The following LRRC4C variants were observed in gnomAD, a reference collection of about 807,000 sequenced individuals.
The protein encoded by LRRC4C is leucine-rich repeat-containing protein 4C.
Under a neutral mutation model 33.6 loss-of-function variants are expected in LRRC4C, and 5 were observed. The ratio of observed to expected loss-of-function variants is 0.15; its 90% CI spans 0.08 to 0.31. The LOEUF (loss-of-function observed/expected upper bound fraction) is 0.31, where lower values mean the gene tolerates loss of function less well. LRRC4C is among the 10% of genes least tolerant of loss of function. LRRC4C has a pLI of 1.00. For missense variants in LRRC4C, 560 were observed against 796.7 expected (o/e 0.70, Z 3.58); for synonymous variants, 329 against 302.0 (o/e 1.09, Z -0.93).
At chr11:40,325,986 T>C (rs1462827061) in intron 3 of LRRC4C, among the ~76,000 whole-genome samples, 2 of 151,376 alleles carry the variant, frequency 1.3e-5, no homozygotes, top group East Asian at 2.0e-4. Flanking sequence ...GTTCTCTGTC[T>C]AGCCATGGGT....
intron 1 of LRRC4C, among the ~76,000 whole-genome samples, chr11:41,140,667 C>T (rs1943464895): frequency 6.6e-6 from 1 of 152,188 alleles, no homozygotes; most frequent in Non-Finnish European, 1.5e-5. Flanking sequence ...CGGGTTCTTC[C>T]CAGCCTTATT....
At chr11:40,508,866 C>T (rs1955166953) in intron 3 of LRRC4C, among the ~76,000 whole-genome samples, 1 of 151,912 alleles carries the variant, frequency 6.6e-6, no homozygotes. Flanking sequence ...AAGTAATAAC[C>T]ATGAGTTTTA....
At chr11:40,734,365 T>G (rs1009630069) in intron 2 of LRRC4C, among the ~76,000 whole-genome samples, 1 of 152,174 alleles carries the variant, frequency 6.6e-6, no homozygotes, top group Admixed American at 6.5e-5. Context: ...TCAACTTGTT[T>G]ACGGATATTT....
chr11:41,079,272 T>A (rs1216635509), intron 1 of LRRC4C, among the ~76,000 whole-genome samples: 1 of 152,132 alleles, frequency 6.6e-6, no homozygotes, highest in Non-Finnish European at 1.5e-5. Flanking sequence ...GTTCTGAAGT[T>A]GGTAGGAGAC....
chr11:40,924,170 A>G (rs754985452), intron 2 of LRRC4C, among the ~76,000 whole-genome samples: 2 of 151,394 alleles, frequency 1.3e-5, no homozygotes, highest in African/African-American at 2.4e-5. Flanking sequence ...AAAGCCCTTA[A>G]AAATGGAAGC....
At position 41,233,926 on chromosome 11, in the gene LRRC4C, A is replaced by G. The variant is rs144276033; in HGVS notation, c.-496+225505T>C. Among the ~76,000 whole-genome samples the G allele has an allele frequency of 8.7e-3, 1,323 of 151,684 alleles. 16 individuals carry two copies. The highest frequency in any genetic ancestry group is 0.031 in the African/African-American group (1,266 of 41,370). ...GGGAAACCCCACAGACTCAAAAAGCATAACTGCACCACTTGGTGGGATCAT... is the reference window on the plus strand; with the variant it reads ...GGGAAACCCCACAGACTCAAAAAGCGTAACTGCACCACTTGGTGGGATCAT... On this transcript the variant is annotated intron_variant, in intron 1 of 6. Coordinates refer to ENST00000528697, the MANE Select transcript of LRRC4C (RefSeq NM_001258419.2).
At chr11:40,638,311 G>A (rs866721064) in intron 3 of LRRC4C, among the ~76,000 whole-genome samples, 27 of 152,086 alleles carry the variant, frequency 1.8e-4, no homozygotes, top group African/African-American at 6.5e-4. Context: ...TTGACTCATG[G>A]GGAGTGCTCA....
chr11:40,226,969 A>C (rs928834223), intron 5 of LRRC4C, among the ~76,000 whole-genome samples: 14 of 152,120 alleles, frequency 9.2e-5, no homozygotes, highest in African/African-American at 3.4e-4. Context: ...ATCATTCATT[A>C]ATTAAATCTC....
chr11:40,734,710 TA>T (rs1026085402), intron 2 of LRRC4C, among the ~76,000 whole-genome samples: 8 of 149,864 alleles, frequency 5.3e-5, no homozygotes, highest in East Asian at 1.9e-4. Context: ...CTTTACAATC[TA>T]AAAAAAAAAT....
chr11:40,255,413 G>A (rs1169882901), intron 4 of LRRC4C, among the ~76,000 whole-genome samples: 3 of 152,146 alleles, frequency 2.0e-5, no homozygotes, highest in Non-Finnish European at 2.9e-5. Flanking sequence ...GCTCCAAAGC[G>A]TCAATACAGC....
At chr11:40,557,100 T>G (rs1957361018) in intron 3 of LRRC4C, among the ~76,000 whole-genome samples, 1 of 152,120 alleles carries the variant, frequency 6.6e-6, no homozygotes, top group South Asian at 2.1e-4. Flanking sequence ...TGCTAGCACA[T>G]ATTGATATTG....
intron 1 of LRRC4C, among the ~76,000 whole-genome samples, chr11:41,171,909 GA>G (rs1376555026): frequency 6.6e-6 from 1 of 151,950 alleles, no homozygotes; most frequent in African/African-American, 2.4e-5. Flanking sequence ...CAGCTGCTGG[GA>G]AAAACAGTTA....
intron 1 of LRRC4C, among the ~76,000 whole-genome samples, chr11:41,014,523 G>A (rs1044616427): frequency 2.7e-4 from 40 of 150,380 alleles, no homozygotes; most frequent in African/African-American, 9.6e-4. Flanking sequence ...GATTTTTACA[G>A]GTTTTTATTG....
At chr11:40,778,641 A>T (rs1490035186) in intron 2 of LRRC4C, among the ~76,000 whole-genome samples, 2 of 152,156 alleles carry the variant, frequency 1.3e-5, no homozygotes, top group African/African-American at 4.8e-5. Context: ...GGAGGAAGGA[A>T]AAAGGGGCTG....
Position 40,162,400 on chromosome 11 carries a change from A to C in LRRC4C, c.-95-21547T>G, listed in dbSNP as rs575139641. Among the ~76,000 whole-genome samples, 21 of 152,182 alleles carry C rather than the reference A, an allele frequency of 1.4e-4. No homozygotes were observed. The South Asian group carries it at 3.9e-3, about 29-fold the overall frequency. The stretch of plus-strand genomic sequence containing the variant: ...ATAGATGAAACAGATAAATAAATAA[A>C]TTGCTTCCTCTAGACCCTGGGTAAG... On this transcript the variant is annotated intron_variant, in intron 5 of 6. Coordinates refer to ENST00000528697, the MANE Select transcript of LRRC4C (RefSeq NM_001258419.2).
intron 1 of LRRC4C, among the ~76,000 whole-genome samples, chr11:41,240,343 C>T (rs1948199931): frequency 6.6e-6 from 1 of 151,978 alleles, no homozygotes; most frequent in Non-Finnish European, 1.5e-5. Flanking sequence ...GCAAAGAGTC[C>T]CTCTCACAAT....
chr11:40,828,216 ATAT>A (rs572336225), intron 2 of LRRC4C, among the ~76,000 whole-genome samples: 1 of 151,596 alleles, frequency 6.6e-6, no homozygotes, highest in South Asian at 2.1e-4. Context: ...ATATAAGTAT[ATAT>A]TATATACATA....
At chr11:40,584,867 G>A (rs1958641086) in intron 3 of LRRC4C, among the ~76,000 whole-genome samples, 1 of 151,516 alleles carries the variant, frequency 6.6e-6, no homozygotes, top group African/African-American at 2.4e-5. Flanking sequence ...GGGAGGCGGA[G>A]GTTGCAGTGA....
chr11:41,448,885 G>GT (rs1461095770), intron 1 of LRRC4C, among the ~76,000 whole-genome samples: 1 of 152,186 alleles, frequency 6.6e-6, no homozygotes, highest in Non-Finnish European at 1.5e-5. Flanking sequence ...TAAACACATA[G>GT]TAAGTGCTGA....
Sources: allele counts gnomAD v4.1 joint callset (sites outside exome capture counted in the v4.1 genomes callset), GRCh38; gene constraint gnomAD v4.1.1; transcripts MANE v1.5; gene names NCBI Gene and HGNC (gene_info 2026-07-23, HGNC 2026-07-21).